The following WNK3 variants were observed in gnomAD, a reference collection of about 807,000 sequenced individuals.
WNK3 encodes WNK lysine deficient protein kinase 3, also known as serine/threonine-protein kinase WNK3.
WNK3 carries 18 observed loss-of-function variants against 116.7 expected under a neutral mutation model. That is an observed-to-expected ratio of 0.15 (90% CI 0.11 to 0.23). The LOEUF is 0.23. Ranked by LOEUF, WNK3 falls within the 10% of genes least tolerant of loss-of-function variation. WNK3 has a pLI of 1.00. For missense variants in WNK3, 993 were observed against 1,323.8 expected, an observed-to-expected ratio of 0.75 and a Z score of 3.88; for synonymous variants, 404 against 469.4, an observed-to-expected ratio of 0.86 and a Z score of 1.80.
At chrX:54,207,706 G>A (rs1243601224) in intron 22 of WNK3, among the ~76,000 whole-genome samples, 1 of 108,755 alleles carries the variant, frequency 9.2e-6, no homozygotes, top group Non-Finnish European at 1.9e-5. Context: ...TAGAGATGGG[G>A]TATCACCATG....
At chrX:54,237,270 T>TGAA (rs2067972387) in exon 20 of WNK3, 21 of 1,212,174 alleles carry the variant, frequency 1.7e-5, no homozygotes, top group Non-Finnish European at 2.3e-5. Flanking sequence ...CTGGGGTCAC[T>TGAA]GAAGATACAT....
chrX:54,350,933 T>C (rs184630946), intron 1 of WNK3, among the ~76,000 whole-genome samples: 15 of 111,189 alleles, frequency 1.3e-4, no homozygotes, highest in African/African-American at 4.6e-4. Flanking sequence ...TACATATATA[T>C]ACTATAAGGT....
At chrX:54,253,717 A>G (rs782782973) in intron 13 of WNK3, among the ~76,000 whole-genome samples, 59 of 112,310 alleles carry the variant, frequency 5.3e-4, no homozygotes, top group African/African-American at 1.8e-3. Context: ...ATGCAATCAG[A>G]GATAAGAGCC....
chrX:54,245,570 G>T (rs1042338534), intron 17 of WNK3, among the ~76,000 whole-genome samples: 6 of 110,783 alleles, frequency 5.4e-5, no homozygotes, highest in African/African-American at 2.0e-4. Context: ...GAATTATTCT[G>T]CATATATTTT....
chrX:54,354,012 G>A (rs1188093610), intron 1 of WNK3, among the ~76,000 whole-genome samples: 1 of 107,232 alleles, frequency 9.3e-6, no homozygotes, highest in Non-Finnish European at 1.9e-5. Context: ...CTTGAACCTG[G>A]GAGGCAGAGG....
chrX:54,291,627 T>C (rs2068641497), intron 10 of WNK3, among the ~76,000 whole-genome samples: 1 of 111,855 alleles, frequency 8.9e-6, no homozygotes, highest in African/African-American at 3.2e-5. Context: ...ATATCACTTA[T>C]AAATACTAGC....
chrX:54,249,014 T>A, exon 17 of WNK3: 1 of 1,211,099 alleles, frequency 8.3e-7, no homozygotes, highest in Non-Finnish European at 1.1e-6. Flanking sequence ...TCATCCAGAG[T>A]TTTAATTCGG....
chrX:54,259,423 G>A (rs782510389), intron 10 of WNK3, 85 bp from the exon 11 acceptor site: 8 of 531,816 alleles, frequency 1.5e-5, no homozygotes, highest in East Asian at 4.1e-5. Context: ...CAGAAAACAC[G>A]ATAGTTTTGG....
chrX:54,194,679 T>C (rs1557139693), exon 24 of WNK3: 1 of 111,210 alleles, frequency 9.0e-6, no homozygotes, highest in African/African-American at 3.3e-5. Context: ...CTCAAACTGT[T>C]GGCTAGCACT....
rs1433418676 is a variant in WNK3 at position 54,238,595 on chromosome X, T to A, written c.3884-123A>T. On this transcript the variant is annotated intron_variant, in intron 18 of 23. Transcript: ENST00000354646. ...TAACTCCTGCTAGACAATTAAAAGG[T>A]GTTAATGTAATAAGCAACATTGTAT... The A allele has an allele frequency of 5.0e-5, 35 of 694,179 alleles. No homozygotes were observed. The Admixed American group carries it at 1.2e-3, about 23-fold the overall frequency. The allele number at this position is 694,179 out of a possible 1,213,427, so 57.2% of individuals were successfully genotyped here. A position where few individuals can be genotyped will look rare whatever the true frequency, so the allele number is the denominator to read the frequency against.
intron 21 of WNK3, among the ~76,000 whole-genome samples, chrX:54,229,825 C>T (rs1383272746): frequency 2.5e-4 from 28 of 110,835 alleles, no homozygotes; most frequent in African/African-American, 3.3e-5. Context: ...TATCAATATG[C>T]AAAAAAGAAC....
intron 2 of WNK3, among the ~76,000 whole-genome samples, chrX:54,316,098 G>A (rs1488123946): frequency 1.8e-5 from 2 of 111,319 alleles, no homozygotes; most frequent in Non-Finnish European, 3.8e-5. Context: ...ATCTTCCCCT[G>A]TATTATAGAT....
exon 24 of WNK3, chrX:54,194,487 T>A (rs1557139645): frequency 8.9e-6 from 1 of 112,039 alleles, no homozygotes; most frequent in African/African-American, 3.2e-5. Flanking sequence ...AGGCACTGGA[T>A]TGTCTAATTC....
chrX:54,208,184 G>A (rs2067575075), intron 22 of WNK3, among the ~76,000 whole-genome samples: 1 of 110,344 alleles, frequency 9.1e-6, no homozygotes, highest in Non-Finnish European at 1.9e-5. Context: ...CAGTGCAGTG[G>A]CGCGATCTCA....
intron 22 of WNK3, among the ~76,000 whole-genome samples, chrX:54,221,218 G>A (rs1557146439): frequency 8.9e-6 from 1 of 111,766 alleles, no homozygotes; most frequent in African/African-American, 3.2e-5. Flanking sequence ...AGTCCTTTAG[G>A]ATGAAATAAA....
intron 1 of WNK3, among the ~76,000 whole-genome samples, chrX:54,346,731 A>C (rs781871012): frequency 1.8e-5 from 2 of 111,497 alleles, no homozygotes; most frequent in African/African-American, 6.5e-5. Context: ...TCTTCATTGC[A>C]TTTGTGAAGT....
At chrX:54,314,198 A>C (rs1193343740) in intron 2 of WNK3, among the ~76,000 whole-genome samples, 9 of 107,516 alleles carry the variant, frequency 8.4e-5, no homozygotes, top group East Asian at 2.9e-4. Flanking sequence ...GTCTCAAAAA[A>C]AAAAACAAAA....
intron 22 of WNK3, among the ~76,000 whole-genome samples, chrX:54,214,829 G>A (rs1049394180): frequency 7.2e-5 from 8 of 111,102 alleles, no homozygotes; most frequent in Non-Finnish European, 1.3e-4. Flanking sequence ...TGGTTAACAC[G>A]GTGAGACCCC....
At chrX:54,306,873 G>C (rs1033492345) in intron 5 of WNK3, among the ~76,000 whole-genome samples, 17 of 111,292 alleles carry the variant, frequency 1.5e-4, no homozygotes, top group Admixed American at 1.3e-3. Context: ...TTGTGTGTGT[G>C]TATCTCAAAA....
Sources: gnomAD v4.1 joint callset for allele counts (sites outside exome capture counted in the v4.1 genomes callset) on GRCh38, gnomAD v4.1.1 for gene constraint, MANE v1.5 for transcripts, NCBI Gene and HGNC (gene_info 2026-07-23, HGNC 2026-07-21) for gene names.